The following TOP2A variants were observed in gnomAD, a reference collection of about 807,000 sequenced individuals.
TOP2A encodes the protein DNA topoisomerase 2-alpha.
TOP2A carries 68 observed loss-of-function variants against 187.2 expected under a neutral mutation model. The observed-to-expected ratio is 0.36, with a 90% CI of 0.30 to 0.44. TOP2A has a LOEUF of 0.44. Ranked by LOEUF, TOP2A falls within the 20% of genes least tolerant of loss-of-function variation. TOP2A has a pLI of 1.00. For synonymous variants in TOP2A, 542 were observed against 593.2 expected, an observed-to-expected ratio of 0.91 and a Z score of 1.25; for missense variants, 1,196 against 1,808.7, an observed-to-expected ratio of 0.66 and a Z score of 6.14.
intron 10 of TOP2A, chr17:40,410,560 A>C (rs1432160295): frequency 6.7e-6 from 3 of 445,546 alleles, no homozygotes; most frequent in Non-Finnish European, 1.3e-5. Context: ...ACCAGTATGA[A>C]GGTTAAGAAC....
chr17:40,390,624 ATTTTTTTTT>A (rs202246173), intron 33 of TOP2A, among the ~76,000 whole-genome samples: 4 of 129,814 alleles, frequency 3.1e-5, no homozygotes, highest in East Asian at 2.2e-4. Flanking sequence ...TAAACATTCT[ATTTTTTTTT>A]TTTTTTTTTT....
At position 40,415,057 on chromosome 17, in the gene TOP2A, C is replaced by CT. The variant is rs199613504; in HGVS notation, c.332+947dup. On this transcript the variant is annotated intron_variant, in intron 4 of 34. Transcript: ENST00000423485. Reference sequence around the variant, plus strand: ...AAAAAACTAATTAAAATTAGCTCAACTTTTTTTTTTTTTTTGAGACAGAGT... The same window carrying CT: ...AAAAAACTAATTAAAATTAGCTCAACTTTTTTTTTTTTTTTTGAGACAGAGT... Among the ~76,000 whole-genome samples, 1,374 of 140,984 alleles carry CT rather than the reference C, an allele frequency of 9.7e-3. 9 individuals carry two copies. The highest frequency in any genetic ancestry group is 0.018 in the Middle Eastern group (5 of 276). The allele number at this position is 140,984 out of a possible 152,430, so 92.5% of individuals were successfully genotyped here.
chr17:40,392,865 G>T (rs1327203868), intron 29 of TOP2A, 128 bp from the exon 30 acceptor site: 25 of 794,664 alleles, frequency 3.1e-5, no homozygotes, highest in Non-Finnish European at 4.5e-5. Context: ...AAAAGAGACA[G>T]ATATGGTCTC....
chr17:40,408,739 A>T (rs1007740683), intron 10 of TOP2A, 109 bp from the exon 11 acceptor site: 2 of 1,217,056 alleles, frequency 1.6e-6, no homozygotes, highest in African/African-American at 3.0e-5. Flanking sequence ...TCAAAAATTA[A>T]AAAGATGTAG....
intron 13 of TOP2A, among the ~76,000 whole-genome samples, chr17:40,407,190 T>C (rs764979233): frequency 2.6e-5 from 4 of 152,076 alleles, no homozygotes; most frequent in African/African-American, 4.8e-5. Flanking sequence ...CTTGAACCCA[T>C]GAGGCGGAGG....
intron 27 of TOP2A, 53 bp from the exon 28 acceptor site, chr17:40,396,518 T>C (rs887323285): frequency 2.6e-5 from 41 of 1,577,302 alleles, no homozygotes; most frequent in African/African-American, 6.8e-5. Flanking sequence ...AACATTACAA[T>C]ATCTAAACAC....
intron 27 of TOP2A, among the ~76,000 whole-genome samples, chr17:40,396,899 TG>T (rs369860136): frequency 9.7e-4 from 146 of 150,598 alleles, no homozygotes; most frequent in African/African-American, 3.3e-3. Flanking sequence ...GTTTTTTTTT[TG>T]TTTTTTTTTT....
intron 24 of TOP2A, among the ~76,000 whole-genome samples, chr17:40,399,480 G>A (rs368246779): frequency 1.3e-5 from 2 of 151,538 alleles, no homozygotes; most frequent in East Asian, 3.9e-4. Flanking sequence ...CACCCAGAGA[G>A]TAGAAGCCAT....
chr17:40,417,175 C>T (rs2035401117), intron 1 of TOP2A, among the ~76,000 whole-genome samples: 1 of 152,278 alleles, frequency 6.6e-6, no homozygotes, highest in South Asian at 2.1e-4. Flanking sequence ...ATAAAATACA[C>T]CCACTTCTTT....
chr17:40,416,829 C>T lies in TOP2A; in HGVS notation c.88G>A (p.Val30Ile). The T allele has an allele frequency of 6.2e-7, 1 of 1,612,438 alleles. No individual in the cohort carries two copies. The highest frequency in any genetic ancestry group is 8.5e-7 in the Non-Finnish European group (1 of 1,179,008). ...GTTTTCTTTTGATAGATTCTTTCAA[C>T]AGACAGTCTTTTCTTAGCATCTTCA... ...KNEDAKKRLS[V>I]ERIYQKKTQL... Residue 30 changes from valine to isoleucine, a missense_variant, in exon 2 of 35, where the codon GTT (valine) becomes ATT (isoleucine). By Grantham distance (29) the Val-to-Ile change is conservative. Transcript: ENST00000423485.
intron 10 of TOP2A, chr17:40,409,417 TA>T: frequency 2.3e-6 from 1 of 426,556 alleles, no homozygotes; most frequent in South Asian, 1.7e-5. Flanking sequence ...TAGACACAAA[TA>T]AAACAAATTG....
intron 16 of TOP2A, among the ~76,000 whole-genome samples, chr17:40,405,860 G>A (rs1304661582): frequency 6.6e-6 from 1 of 151,414 alleles, no homozygotes; most frequent in African/African-American, 2.4e-5. Context: ...TCTGCCTCTC[G>A]GGTTCAAGCG....
In TOP2A at chr17:40,404,886, ATAAAT is replaced by A. The variant is rs775495997; in HGVS notation, c.1954-8_1954-4del. 6 of 1,552,918 alleles carry A rather than the reference ATAAAT, an allele frequency of 3.9e-6. No homozygotes were observed. Among genetic ancestry groups the A allele is most frequent in the Admixed American group, 3.8e-5 (2 of 52,980 alleles). On this transcript the variant is annotated splice_region_variant and splice_polypyrimidine_tract_variant and intron_variant, in intron 16 of 34. Coordinates refer to ENST00000423485, the MANE Select transcript of TOP2A (RefSeq NM_001067.4). ...TCTATCTGTTTTTTGCTAAAGGCCTATAAATTAAAGGATGAAAAGATGTCACTGGT... is the reference window on the plus strand; with the variant it reads ...TCTATCTGTTTTTTGCTAAAGGCCTATAAAGGATGAAAAGATGTCACTGGT...
intron 7 of TOP2A, 100 bp downstream of exon 7, chr17:40,412,659 C>G (rs925005350): frequency 9.9e-7 from 1 of 1,010,066 alleles, no homozygotes; most frequent in Non-Finnish European, 1.5e-6. Flanking sequence ...AACAAACAAA[C>G]AAACAAACAA....
chr17:40,401,972 A>G (rs1464772880), intron 20 of TOP2A, among the ~76,000 whole-genome samples: 1 of 152,214 alleles, frequency 6.6e-6, no homozygotes, highest in Admixed American at 6.5e-5. Context: ...TGAGCAGTTG[A>G]AGGTTCTGAA....
intron 7 of TOP2A, among the ~76,000 whole-genome samples, chr17:40,412,361 T>A (rs1325180646): frequency 6.6e-6 from 1 of 152,152 alleles, no homozygotes; most frequent in Non-Finnish European, 1.5e-5. Flanking sequence ...ATACATATGG[T>A]TGGGCCAGGT....
Position 40,388,772 on chromosome 17 carries a change from G to A in TOP2A, c.*747C>T, listed in dbSNP as rs2034988193. On this transcript the variant is annotated 3_prime_UTR_variant, in exon 35 of 35. Transcript: ENST00000423485. ...ATCTTGGATCAAATGTTGTCCCCGA[G>A]TCTTCTGCAATCCAGTCCTCTTAGA... is the stretch of plus-strand genomic sequence containing the variant. 1 of 193,970 alleles carries A rather than the reference G, an allele frequency of 5.2e-6. No homozygotes were observed. The highest frequency in any genetic ancestry group is 2.3e-5 in the African/African-American group (1 of 43,126). The allele number at this position is 193,970 out of a possible 1,614,324, so 12.0% of individuals were successfully genotyped here.
Position 40,411,413 on chromosome 17 carries a change from T to C in TOP2A, c.1006A>G (p.Lys336Glu). Reference protein sequence around the residue: ...VDYVADQIVTKLVDVVKKKNK... With the variant: ...VDYVADQIVTELVDVVKKKNK... ...TTCTTCTTCACAACATCAACAAGTT[T>C]AGTCACAATCTGATCAGCTACATAA... Residue 336 changes from lysine to glutamate, a missense_variant, in exon 9 of 35, where the codon AAA (lysine) becomes GAA (glutamate). Lys to Glu is a moderately conservative substitution (Grantham distance 56). Transcript: ENST00000423485. This position sits in a 1 kb window ranked among gnomAD's most constrained non-coding sequence, Gnocchi z 4.4. The C allele has an allele frequency of 6.2e-7, 1 of 1,613,882 alleles. No individual in the cohort carries two copies. Among genetic ancestry groups the C allele is most frequent in the Non-Finnish European group, 8.5e-7 (1 of 1,179,844 alleles).
Position 40,412,991 on chromosome 17 carries a change from GA to G in TOP2A, c.577-21del. 6.3e-7 allele frequency: 1 copy of G among 1,583,476 alleles called. No individual in the cohort carries two copies. On this transcript the variant is annotated intron_variant, in intron 6 of 34. Transcript: ENST00000423485. The stretch of plus-strand genomic sequence containing the variant: ...CCATGTCTATGGAAGTAAAGAATAG[GA>G]AACATGAAAAATTCAAGTCATCTCA...
Sources: gnomAD v4.1 joint callset for allele counts (sites outside exome capture counted in the v4.1 genomes callset) on GRCh38, gnomAD v4.1.1 for gene constraint, Gnocchi (gnomAD v3.1) non-coding constraint, MANE v1.5 for transcripts, NCBI Gene and HGNC (gene_info 2026-07-23, HGNC 2026-07-21) for gene names.